Variants in DEUP1 observed in about 807,000 individuals in gnomAD.
The protein encoded by DEUP1 is coiled-coil domain containing 67.
Under a neutral mutation model 87.4 loss-of-function variants are expected in DEUP1, and 82 were observed. The ratio of observed to expected loss-of-function variants is 0.94; its 90% CI spans 0.78 to 1.13. The LOEUF (loss-of-function observed/expected upper bound fraction) is 1.13. DEUP1 is among the 50% of genes most tolerant of loss of function. The pLI is 0.00. For synonymous variants in DEUP1, 214 were observed against 222.7 expected (o/e 0.96, Z 0.35); for missense variants, 663 against 681.5 (o/e 0.97, Z 0.30).
chr11:93,435,823 C>T (rs1383197725), intron 13 of DEUP1, among the ~76,000 whole-genome samples: 1 of 151,978 alleles, frequency 6.6e-6, no homozygotes, highest in Admixed American at 6.5e-5. Context: ...GGTGAAACCC[C>T]GTCTCTACTA....
intron 12 of DEUP1, among the ~76,000 whole-genome samples, chr11:93,413,628 T>C (rs1391822501): frequency 6.6e-6 from 1 of 152,214 alleles, no homozygotes; most frequent in Non-Finnish European, 1.5e-5. Flanking sequence ...AGGACCTTTT[T>C]TGTAAAACTT....
intron 8 of DEUP1, among the ~76,000 whole-genome samples, chr11:93,387,039 T>C (rs796290376): frequency 6.6e-6 from 1 of 152,174 alleles, no homozygotes; most frequent in African/African-American, 2.4e-5. Flanking sequence ...CAGTAAAAAC[T>C]TTTTTGTTCT....
chr11:93,408,782 A>T (rs1486276720), intron 12 of DEUP1, among the ~76,000 whole-genome samples: 1 of 152,186 alleles, frequency 6.6e-6, no homozygotes, highest in Non-Finnish European at 1.5e-5. Context: ...TAGAAAATGT[A>T]GGAACATGTC....
At chr11:93,392,199 T>G (rs1474789796) in intron 9 of DEUP1, among the ~76,000 whole-genome samples, 1 of 152,178 alleles carries the variant, frequency 6.6e-6, no homozygotes, top group Non-Finnish European at 1.5e-5. Flanking sequence ...TGTCATCCCC[T>G]AAAACCCAGA....
At chr11:93,416,298 G>GA (rs552327188) in intron 13 of DEUP1, among the ~76,000 whole-genome samples, 364 of 151,538 alleles carry the variant, frequency 2.4e-3, no homozygotes, top group Middle Eastern at 6.8e-3. Context: ...GACTAATAAA[G>GA]AAAAAAAGAG....
At position 93,389,363 on chromosome 11, in the gene DEUP1, G is replaced by T. The variant is rs12285128; in HGVS notation, c.1041+238G>T. ...GCCCACGACACGTGGAGGGTGGAGG[G>T]CTGGAGGCTCCATGATAGGTGGCTT... On this transcript the variant is annotated intron_variant, in intron 9 of 13. Transcript: ENST00000298050. Among the ~76,000 whole-genome samples, 38,387 of 152,042 alleles carry T rather than the reference G, an allele frequency of 0.25. 5,193 individuals are homozygous for T. The highest frequency in any genetic ancestry group is 0.37 in the Middle Eastern group (109 of 292).
chr11:93,402,937 C>G (rs1261795748), intron 11 of DEUP1, among the ~76,000 whole-genome samples: 2 of 151,752 alleles, frequency 1.3e-5, no homozygotes, highest in Admixed American at 1.3e-4. Flanking sequence ...GAAATATTAC[C>G]TATTGTTCAA....
In DEUP1 at chr11:93,371,044, G is replaced by C. The variant is rs1945696356; in HGVS notation, c.553G>C (p.Ala185Pro). 6.2e-7 allele frequency: 1 copy of C among 1,608,872 alleles called. No individual in the cohort carries two copies. ...CAGTTTTTATATTTTTCAGAAACAGGCACAAAGTTACCAAACTCAACTAAA... is the reference window on the plus strand; with the variant it reads ...CAGTTTTTATATTTTTCAGAAACAGCCACAAAGTTACCAAACTCAACTAAA... ...SEKCNQFQKQ[A>P]QSYQTQLNGK... The change falls in exon 7 of 14, where the codon GCA becomes CCA. Residue 185 changes from alanine to proline, a missense_variant. Physicochemically the swap from Ala to Pro is conservative, Grantham distance 27. Transcript: ENST00000298050.
chr11:93,360,391 A>C (rs944219563), intron 4 of DEUP1, among the ~76,000 whole-genome samples: 3 of 152,214 alleles, frequency 2.0e-5, no homozygotes, highest in Non-Finnish European at 4.4e-5. Context: ...AAAAATGTCC[A>C]GGTATCAATA....
chr11:93,427,779 G>GAA (rs200410027), intron 13 of DEUP1, among the ~76,000 whole-genome samples: 1 of 137,378 alleles, frequency 7.3e-6, no homozygotes, highest in Non-Finnish European at 1.6e-5. Flanking sequence ...AAATTTACAA[G>GAA]AAAAAAACAA....
chr11:93,436,542 G>A (rs1948254008), intron 13 of DEUP1, among the ~76,000 whole-genome samples: 1 of 152,196 alleles, frequency 6.6e-6, no homozygotes, highest in Non-Finnish European at 1.5e-5. Context: ...TTCTCTAGTA[G>A]AGATACTATC....
intron 10 of DEUP1, 23 bp downstream of exon 10, chr11:93,394,679 A>G (rs776993242): frequency 7.7e-6 from 12 of 1,558,796 alleles, no homozygotes; most frequent in Non-Finnish European, 1.8e-6. Flanking sequence ...GCAGAATAGC[A>G]CTTGTCTAGG....
chr11:93,408,088 G>A (rs1947334113), intron 11 of DEUP1, 143 bp from the exon 12 acceptor site: 2 of 578,926 alleles, frequency 3.5e-6, no homozygotes, highest in South Asian at 5.5e-5. Flanking sequence ...GTGGAAAGGA[G>A]CATTTAGAAA....
intron 13 of DEUP1, among the ~76,000 whole-genome samples, chr11:93,418,018 A>G (rs559591840): frequency 6.6e-6 from 1 of 152,180 alleles, no homozygotes; most frequent in Admixed American, 6.6e-5. Context: ...TATACCTTAT[A>G]CAAAAATCAA....
At chr11:93,431,308 G>T (rs1948100491) in intron 13 of DEUP1, among the ~76,000 whole-genome samples, 2 of 152,018 alleles carry the variant, frequency 1.3e-5, no homozygotes, top group Non-Finnish European at 2.9e-5. Flanking sequence ...GTAGAAGAGA[G>T]TTTTAAGTAA....
At chr11:93,365,832 A>G (rs1945388895) in intron 5 of DEUP1, among the ~76,000 whole-genome samples, 2 of 152,206 alleles carry the variant, frequency 1.3e-5, no homozygotes, top group South Asian at 4.1e-4. Context: ...ATTAATGTGT[A>G]AGAGATTGGC....
At chr11:93,353,361 C>A (rs549402073) in intron 2 of DEUP1, among the ~76,000 whole-genome samples, 2 of 152,298 alleles carry the variant, frequency 1.3e-5, no homozygotes, top group Admixed American at 1.3e-4. Flanking sequence ...CAGGGCACAG[C>A]CTCCCTCCAG....
intron 2 of DEUP1, among the ~76,000 whole-genome samples, chr11:93,349,295 C>A (rs1031932427): frequency 9.2e-5 from 14 of 151,826 alleles, no homozygotes; most frequent in African/African-American, 3.4e-4. Context: ...TACCATTGGA[C>A]CCCTCCTCTC....
chr11:93,431,641 G>A (rs1160239899), intron 13 of DEUP1, among the ~76,000 whole-genome samples: 1 of 152,142 alleles, frequency 6.6e-6, no homozygotes, highest in African/African-American at 2.4e-5. Context: ...AAATTATAGA[G>A]GGGCAAGGGT....
Sources: gnomAD v4.1 joint callset for allele counts (sites outside exome capture counted in the v4.1 genomes callset) on GRCh38, gnomAD v4.1.1 for gene constraint, MANE v1.5 for transcripts, NCBI Gene and HGNC (gene_info 2026-07-23, HGNC 2026-07-21) for gene names.